ASTN1: variants seen among roughly 807,000 people sequenced by gnomAD.
ASTN1 encodes the protein astrotactin-1.
In ASTN1, 41 loss-of-function variants were observed where a neutral mutation model predicts 140.7. The ratio of observed to expected loss-of-function variants is 0.29; its 90% confidence interval spans 0.23 to 0.38. The LOEUF (loss-of-function observed/expected upper bound fraction) is 0.38, where lower values mean the gene tolerates loss of function less well. Ranked by LOEUF, ASTN1 falls within the 10% of genes least tolerant of loss-of-function variation. The pLI is 1.00. For synonymous variants in ASTN1, 640 were observed against 652.2 expected, an observed-to-expected ratio of 0.98 and a Z score of 0.29; for missense variants, 1,479 against 1,678.8, an observed-to-expected ratio of 0.88 and a Z score of 2.08.
chr1:176,861,698 G>T lies in ASTN1; in HGVS notation c.*2586C>A. The T allele has an allele frequency of 2.0e-6, 2 of 985,278 alleles. No homozygotes were observed. The highest frequency in any genetic ancestry group is 2.4e-6 in the Non-Finnish European group (2 of 829,874). The allele number at this position is 985,278 out of a possible 1,614,324, so 61.0% of individuals were successfully genotyped here. On this transcript the variant is annotated 3_prime_UTR_variant, in exon 23 of 23. Transcript: ENST00000361833. ...TGTGTGTGCACACGTGTGTGTGTGT[G>T]TACATACATACACACATTCAGTGGG...
Position 176,861,942 on chromosome 1 carries a change from G to T in ASTN1, c.*2342C>A. 1 of 985,508 alleles carries T rather than the reference G, an allele frequency of 1.0e-6. No individual in the cohort carries two copies. The highest frequency in any genetic ancestry group is 1.2e-6 in the Non-Finnish European group (1 of 830,030). 61.0% of individuals were successfully genotyped at this position (985,508 alleles called of 1,614,324 possible). A position where few individuals can be genotyped will look rare whatever the true frequency, so the allele number is the denominator to read the frequency against. ...CTGATACCTGCTTCACCCTCTCCCT[G>T]GCCTGTCAACTCCCACATCATCCAC... On this transcript the variant is annotated 3_prime_UTR_variant, in exon 23 of 23. Coordinates refer to ENST00000361833, the MANE Select transcript of ASTN1 (RefSeq NM_004319.3).
At chr1:177,087,804 C>A (rs1341758820) in intron 1 of ASTN1, among the ~76,000 whole-genome samples, 2 of 152,186 alleles carry the variant, frequency 1.3e-5, no homozygotes, top group Admixed American at 1.3e-4. Context: ...CTGGTAATTA[C>A]ATTTTGCCTT....
At chr1:177,111,042 TA>T (rs1434259069) in intron 1 of ASTN1, among the ~76,000 whole-genome samples, 2 of 152,202 alleles carry the variant, frequency 1.3e-5, no homozygotes, top group African/African-American at 2.4e-5. Context: ...CTGGTTTCTG[TA>T]AAAGCTAGCC....
intron 1 of ASTN1, among the ~76,000 whole-genome samples, chr1:177,095,408 T>C (rs79753874): frequency 3.9e-4 from 59 of 152,276 alleles, no homozygotes; most frequent in East Asian, 7.7e-4. Context: ...TTAAAGATCA[T>C]TGGGTATGCC....
chr1:177,099,668 G>GA (rs1391637497), intron 1 of ASTN1, among the ~76,000 whole-genome samples: 2 of 152,134 alleles, frequency 1.3e-5, no homozygotes, highest in African/African-American at 2.4e-5. Flanking sequence ...TTCCCCTCCT[G>GA]TGCTCCACTT....
At chr1:177,066,828 C>A (rs1678381766) in intron 1 of ASTN1, among the ~76,000 whole-genome samples, 1 of 152,094 alleles carries the variant, frequency 6.6e-6, no homozygotes, top group Admixed American at 6.6e-5. Flanking sequence ...ATTCTGGGAC[C>A]CTTTCTCACT....
intron 1 of ASTN1, among the ~76,000 whole-genome samples, chr1:177,083,006 T>A (rs1342597451): frequency 6.6e-6 from 1 of 152,174 alleles, no homozygotes; most frequent in Non-Finnish European, 1.5e-5. Context: ...AAACCCAAGA[T>A]AAAAGAGACA....
intron 12 of ASTN1, among the ~76,000 whole-genome samples, chr1:176,948,042 T>C (rs1672028091): frequency 1.3e-5 from 2 of 152,116 alleles, no homozygotes; most frequent in Admixed American, 6.5e-5. Context: ...AATGTGAAAA[T>C]GGTTCAATTA....
intron 1 of ASTN1, among the ~76,000 whole-genome samples, chr1:177,154,673 CAA>C (rs61637734): frequency 6.8e-6 from 1 of 147,716 alleles, no homozygotes; most frequent in African/African-American, 2.4e-5. Flanking sequence ...GAACACATAC[CAA>C]AAAAAAAATA....
Position 177,069,204 on chromosome 1 carries a change from A to T in ASTN1, c.284-7939T>A, listed in dbSNP as rs148277148. Among the ~76,000 whole-genome samples, 211 of 152,172 alleles carry T rather than the reference A, an allele frequency of 1.4e-3. 1 individual carries two copies. The highest frequency in any genetic ancestry group is 4.9e-3 in the African/African-American group (205 of 41,550). ...AACAGTCCCCAGTAAGAAAAAGATC[A>T]CCCACATATAGATGCTTCCAAATAA... On this transcript the variant is annotated intron_variant, in intron 1 of 22. Transcript: ENST00000361833.
At chr1:176,968,634 T>A (rs1672996704) in intron 8 of ASTN1, among the ~76,000 whole-genome samples, 1 of 152,252 alleles carries the variant, frequency 6.6e-6, no homozygotes, top group Non-Finnish European at 1.5e-5. Flanking sequence ...GGAATTTACC[T>A]AATTTCTTCC....
At chr1:176,974,345 T>C (rs1338825558) in intron 8 of ASTN1, among the ~76,000 whole-genome samples, 2 of 152,194 alleles carry the variant, frequency 1.3e-5, no homozygotes, top group Non-Finnish European at 2.9e-5. Context: ...ACTGTTATTA[T>C]ACACACATTA....
chr1:177,146,190 T>C (rs777624914), intron 1 of ASTN1, among the ~76,000 whole-genome samples: 18 of 152,206 alleles, frequency 1.2e-4, no homozygotes. Flanking sequence ...ACTGGCTTAA[T>C]AGAAGACAGA....
At chr1:177,132,570 C>T (rs1029134426) in intron 1 of ASTN1, among the ~76,000 whole-genome samples, 3 of 152,198 alleles carry the variant, frequency 2.0e-5, no homozygotes, top group Non-Finnish European at 2.9e-5. Flanking sequence ...GTCAATGGAA[C>T]ATCCCAAGTC....
intron 1 of ASTN1, among the ~76,000 whole-genome samples, chr1:177,066,795 G>C (rs974432527): frequency 1.3e-5 from 2 of 152,218 alleles, no homozygotes; most frequent in South Asian, 4.1e-4. Flanking sequence ...GGATGGCTTA[G>C]AGTGGCTTAG....
chr1:177,044,174 A>AT (rs1553248856), intron 2 of ASTN1, among the ~76,000 whole-genome samples: 1 of 94,972 alleles, frequency 1.1e-5, no homozygotes, highest in Non-Finnish European at 2.5e-5. Flanking sequence ...TGAAAAAAAA[A>AT]ATACACACAC....
chr1:176,918,018 GAACTTGGCAAT>G (rs775372493), intron 16 of ASTN1, among the ~76,000 whole-genome samples: 10 of 152,044 alleles, frequency 6.6e-5, no homozygotes, highest in African/African-American at 9.7e-5. Context: ...TTCTCTAAGT[GAACTTGGCAAT>G]AATTAGTAGG....
Position 176,894,641 on chromosome 1 carries a change from G to A in ASTN1, c.2861C>T (p.Thr954Ile), listed in dbSNP as rs140746263. 39 of 1,613,988 alleles carry A rather than the reference G, an allele frequency of 2.4e-5. No homozygotes were observed. Among genetic ancestry groups the A allele is most frequent in the Admixed American group, 1.5e-4 (9 of 60,010 alleles). ...PLCHVTSSPD[T>I]PAEPVLLEVT... ...CTCCAGCAGAACCGGCTCAGCAGGG[G>A]TGTCAGGGCTGGATGTCACATGACA... Residue 954 changes from threonine (T) to isoleucine (I), a missense_variant, in exon 17 of 23, where the codon ACC becomes ATC. Physicochemically the swap from Thr to Ile is moderately conservative, Grantham distance 89. Around this residue, in one of 3 missense-constraint regions of ASTN1, gnomAD observed 746 missense variants for 800.9 expected, o/e 0.93. Transcript: ENST00000361833.
intron 20 of ASTN1, among the ~76,000 whole-genome samples, chr1:176,881,047 T>C (rs1231305889): frequency 6.6e-6 from 1 of 152,196 alleles, no homozygotes; most frequent in Non-Finnish European, 1.5e-5. Context: ...TTGCAGCCCA[T>C]GTATTCTTAA....
Sources: allele counts gnomAD v4.1 joint callset (sites outside exome capture counted in the v4.1 genomes callset), GRCh38; gene constraint gnomAD v4.1.1; regional missense constraint gnomAD v4.1.1; transcripts MANE v1.5; gene names NCBI Gene and HGNC (gene_info 2026-07-23, HGNC 2026-07-21).